Variants in XRCC5 observed in about 807,000 individuals in gnomAD.
XRCC5 encodes the protein X-ray repair cross complementing 5, also known as DNA repair protein Ku80.
In XRCC5, 12 loss-of-function variants were observed where a neutral mutation model predicts 95.7. The observed-to-expected ratio is 0.13, with a 90% confidence interval of 0.08 to 0.20. The LOEUF (loss-of-function observed/expected upper bound fraction) is 0.20. Among genes scored for constraint, XRCC5 ranks in the 10% least tolerant of loss-of-function variants. The pLI, the probability that XRCC5 is intolerant of heterozygous loss-of-function variation, is 1.00. For missense variants in XRCC5, 595 were observed against 873.9 expected, an observed-to-expected ratio of 0.68 and a Z score of 4.02; for synonymous variants, 281 against 290.3, an observed-to-expected ratio of 0.97 and a Z score of 0.33.
chr2:216,110,313 C>T (rs1011612553), intron 1 of XRCC5, among the ~76,000 whole-genome samples: 3 of 151,902 alleles, frequency 2.0e-5, no homozygotes, highest in African/African-American at 7.3e-5. Context: ...AGATGTGGTT[C>T]CAGGGATTAA....
chr2:216,154,076 TA>T (rs1454642632), intron 14 of XRCC5, among the ~76,000 whole-genome samples: 1 of 152,252 alleles, frequency 6.6e-6, no homozygotes, highest in Non-Finnish European at 1.5e-5. Context: ...ACCTCAAATC[TA>T]ACGCTTTCAC....
intron 13 of XRCC5, among the ~76,000 whole-genome samples, chr2:216,142,908 A>T (rs1395080078): frequency 6.6e-6 from 1 of 152,246 alleles, no homozygotes; most frequent in Non-Finnish European, 1.5e-5. Flanking sequence ...CTGAATACTC[A>T]TGCCCCTCAG....
chr2:216,147,598 C>T (rs1488855892), intron 13 of XRCC5, among the ~76,000 whole-genome samples: 1 of 152,116 alleles, frequency 6.6e-6, no homozygotes, highest in East Asian at 1.9e-4. Flanking sequence ...TTTTGCAGAC[C>T]TCTCTCTGGG....
intron 11 of XRCC5, 41 bp downstream of exon 11, chr2:216,137,266 C>T (rs1230197317): frequency 6.3e-7 from 1 of 1,590,550 alleles, no homozygotes; most frequent in East Asian, 2.2e-5. Context: ...TTCTTCAGTT[C>T]CTTTATTCTA....
intron 19 of XRCC5, among the ~76,000 whole-genome samples, chr2:216,199,206 T>A (rs1480264045): frequency 4.6e-5 from 7 of 152,226 alleles, no homozygotes; most frequent in Non-Finnish European, 1.5e-5. Flanking sequence ...ATAAGTTATT[T>A]AAAGTTAGCA....
intron 16 of XRCC5, among the ~76,000 whole-genome samples, chr2:216,165,383 G>A (rs557433056): frequency 4.0e-4 from 61 of 152,348 alleles, no homozygotes; most frequent in African/African-American, 1.2e-3. Flanking sequence ...GAGCCCTCTA[G>A]TGATGTCACA....
rs760295720 is a variant in XRCC5 at position 216,131,519 on chromosome 2, TTAG to T, written c.1050+536_1050+538del. 4.6e-4 allele frequency among the ~76,000 whole-genome samples: 70 copies of T among 152,228 alleles called. 3 individuals are homozygous for T. The highest frequency in any genetic ancestry group is 5.9e-4 in the Admixed American group (9 of 15,286). ...TCAATACTCATTTTCTAATCTGGTA[TTAG>T]TAGAGCTGTCTTGACCCCTCTTGAT... is the stretch of plus-strand genomic sequence containing the variant. On this transcript the variant is annotated intron_variant, in intron 9 of 20. Coordinates refer to ENST00000392132, the MANE Select transcript of XRCC5 (RefSeq NM_021141.4).
chr2:216,156,921 G>C (rs767817540), intron 14 of XRCC5: 5 of 313,902 alleles, frequency 1.6e-5, no homozygotes, highest in Non-Finnish European at 2.5e-5. Context: ...ATATCTTTTC[G>C]CCTTTCTGGG....
chr2:216,113,910 G>C (rs936878191), intron 2 of XRCC5, among the ~76,000 whole-genome samples: 6 of 152,192 alleles, frequency 3.9e-5, no homozygotes, highest in Non-Finnish European at 5.9e-5. Flanking sequence ...AGTCATTTCT[G>C]TTTTCTGTTA....
chr2:216,127,841 G>T, intron 8 of XRCC5, 167 bp downstream of exon 8: 1 of 687,438 alleles, frequency 1.5e-6, no homozygotes, highest in Non-Finnish European at 2.2e-6. Context: ...CTCATTTGTT[G>T]GGTCTTAGGC....
Position 216,122,165 on chromosome 2 carries a change from G to A in XRCC5, c.595G>A (p.Glu199Lys). ...TTCCTTTCCACTAAAAGGAATTACC[G>A]AACAGCAAAAAGAAGGTCTTGAGAT... ...GPSFPLKGIT[E>K]QQKEGLEIVK... Residue 199 changes from glutamate (E) to lysine (K), a missense_variant, in exon 6 of 21, where the codon GAA (glutamate) becomes AAA (lysine). This residue lies in a region of XRCC5 where 286 missense variants were observed against 491.1 expected (regional missense o/e 0.58). Coordinates refer to ENST00000392132, the MANE Select transcript of XRCC5 (RefSeq NM_021141.4). 6.2e-7 allele frequency: 1 copy of A among 1,614,048 alleles called. No individual in the cohort carries two copies. The highest frequency in any genetic ancestry group is 1.7e-5 in the Admixed American group (1 of 60,006).
intron 13 of XRCC5, 72 bp from the exon 14 acceptor site, chr2:216,148,011 C>A: frequency 6.7e-7 from 1 of 1,483,788 alleles, no homozygotes; most frequent in Non-Finnish European, 9.2e-7. Flanking sequence ...GATGGAGGAT[C>A]CCTGATCAGA....
At chr2:216,122,657 ATCT>A (rs1696830990) in intron 6 of XRCC5, among the ~76,000 whole-genome samples, 1 of 151,752 alleles carries the variant, frequency 6.6e-6, no homozygotes, top group African/African-American at 2.4e-5. Context: ...GATAGTCAGT[ATCT>A]TCTTATCATC....
rs1365376801 is a variant in XRCC5, at chr2:216,109,500, A to G, written c.21+43A>G. On this transcript the variant is annotated intron_variant, in intron 1 of 20. Transcript: ENST00000392132. ...GACTTGGGCTTTACCCGGACTGGGG[A>G]TCCGGAGAGGGTGGTTCGGAAGCAG... The G allele has an allele frequency of 5.0e-6, 8 of 1,612,244 alleles. No individual in the cohort carries two copies. In the African/African-American group the frequency reaches 9.4e-5, roughly 19 times the overall value.
rs766352629 is a variant in XRCC5 at position 216,109,830 on chromosome 2, A to G, written c.21+373A>G. On this transcript the variant is annotated intron_variant, in intron 1 of 20. Coordinates refer to ENST00000392132, the MANE Select transcript of XRCC5 (RefSeq NM_021141.4). ...TTACTTCCGAGCCTGGGTTCTTAAG[A>G]TCTCTATGAGAATGAAAATTAGCTG... Among the ~76,000 whole-genome samples the G allele has an allele frequency of 2.0e-5, 3 of 152,006 alleles. No individual in the cohort carries two copies. The East Asian group carries it at 5.8e-4, about 29-fold the overall frequency.
At chr2:216,132,806 TCTGTTTTCAGG>T (rs1349409926) in intron 10 of XRCC5, among the ~76,000 whole-genome samples, 2 of 152,206 alleles carry the variant, frequency 1.3e-5, no homozygotes, top group Non-Finnish European at 2.9e-5. Context: ...CCCAAGATAC[TCTGTTTTCAGG>T]CTGGTTTTTC....
chr2:216,176,215 T>C (rs1469852761), intron 16 of XRCC5, among the ~76,000 whole-genome samples: 4 of 151,988 alleles, frequency 2.6e-5, no homozygotes, highest in Admixed American at 6.6e-5. Flanking sequence ...GTCTCCCGGG[T>C]TCAAGCCATT....
chr2:216,116,126 G>T (rs1246734605), intron 2 of XRCC5, among the ~76,000 whole-genome samples: 3 of 151,890 alleles, frequency 2.0e-5, no homozygotes, highest in Non-Finnish European at 4.4e-5. Context: ...ATGTATTTTT[G>T]CATTCTCCTG....
chr2:216,203,579 C>T lies in XRCC5; in HGVS notation c.2110-743C>T, dbSNP rs929993843. On this transcript the variant is annotated intron_variant, in intron 19 of 20. Coordinates refer to ENST00000392132, the MANE Select transcript of XRCC5 (RefSeq NM_021141.4). ...AAAATCTGAGTGTCATTCCTAGATC[C>T]TCACAGACTTCACTTCCTGGACTTT... is the stretch of plus-strand genomic sequence containing the variant. 6.6e-5 allele frequency among the ~76,000 whole-genome samples: 10 copies of T among 152,370 alleles called. No individual in the cohort carries two copies. The Middle Eastern group carries it at 0.01, about 155-fold the overall frequency.
Sources: allele counts gnomAD v4.1 joint callset (sites outside exome capture counted in the v4.1 genomes callset), GRCh38; gene constraint gnomAD v4.1.1; regional missense constraint gnomAD v4.1.1; transcripts MANE v1.5; gene names NCBI Gene and HGNC (gene_info 2026-07-23, HGNC 2026-07-21).